C12orf42: variants seen among roughly 807,000 people sequenced by gnomAD.
The protein encoded by C12orf42 is chromosome 12 open reading frame 42.
In C12orf42, 25 loss-of-function variants were observed where a neutral mutation model predicts 21.6. That is an observed-to-expected ratio of 1.16 (90% CI 0.84 to 1.62). The LOEUF is 1.62. Ranked by LOEUF, C12orf42 falls within the 40% of genes most tolerant of loss-of-function variation. The pLI is 0.00. For synonymous variants in C12orf42, 174 were observed against 175.0 expected (o/e 0.99, Z 0.05); for missense variants, 483 against 459.3 (o/e 1.05, Z -0.47).
chr12:103,485,436 G>A (rs1954767525), intron 1 of C12orf42, among the ~76,000 whole-genome samples: 1 of 152,192 alleles, frequency 6.6e-6, no homozygotes. Flanking sequence ...TTTGGCTTAG[G>A]ATTGTCTTGG....
intron 2 of C12orf42, among the ~76,000 whole-genome samples, chr12:103,434,620 G>T (rs370667770): frequency 3.2e-4 from 48 of 152,096 alleles, no homozygotes; most frequent in African/African-American, 1.1e-3. Context: ...TTCCCTTTCC[G>T]AGTCAAAGAA....
the C12orf42 span, among the ~76,000 whole-genome samples, chr12:103,133,381 G>A: frequency 6.6e-6 from 1 of 152,064 alleles, no homozygotes; most frequent in East Asian, 1.9e-4. Context: ...TAAGCAAGCT[G>A]CCAGGAGCCC....
At chr12:103,449,041 G>C (rs1020640948) in intron 2 of C12orf42, among the ~76,000 whole-genome samples, 1 of 151,638 alleles carries the variant, frequency 6.6e-6, no homozygotes, top group African/African-American at 2.4e-5. Flanking sequence ...TACAGAAGCA[G>C]CCCAAATGCC....
chr12:103,354,868 A>G (rs1387980687), intron 4 of C12orf42, among the ~76,000 whole-genome samples: 1 of 152,034 alleles, frequency 6.6e-6, no homozygotes, highest in Non-Finnish European at 1.5e-5. Context: ...TATGGTTAAC[A>G]ATATTGTATT....
At chr12:103,472,739 G>C (rs1205029473) in intron 2 of C12orf42, among the ~76,000 whole-genome samples, 1 of 152,166 alleles carries the variant, frequency 6.6e-6, no homozygotes, top group African/African-American at 2.4e-5. Context: ...AGCAATTATA[G>C]ACAAACCACA....
chr12:103,184,115 C>T, the C12orf42 span, among the ~76,000 whole-genome samples: 1 of 152,188 alleles, frequency 6.6e-6, no homozygotes, highest in Non-Finnish European at 1.5e-5. Context: ...TATTTTCTGT[C>T]TATTAATTCT....
chr12:103,375,192 T>C (rs547005733), intron 3 of C12orf42, among the ~76,000 whole-genome samples: 1 of 152,162 alleles, frequency 6.6e-6, no homozygotes, highest in Non-Finnish European at 1.5e-5. Flanking sequence ...TTATAGGAAA[T>C]GTCAGGAGAA....
intron 1 of C12orf42, among the ~76,000 whole-genome samples, chr12:103,485,101 T>C (rs982745688): frequency 9.2e-5 from 14 of 152,122 alleles, no homozygotes; most frequent in African/African-American, 3.1e-4. Flanking sequence ...AATCTCCTGA[T>C]CTCGTGATCT....
intron 10 of C12orf42, among the ~76,000 whole-genome samples, chr12:103,249,981 A>G (rs2034212079): frequency 6.6e-6 from 1 of 152,094 alleles, no homozygotes; most frequent in Non-Finnish European, 1.5e-5. Flanking sequence ...TCCCTGTAGA[A>G]CATCAGTTTC....
chr12:103,151,539 CA>C, the C12orf42 span, among the ~76,000 whole-genome samples: 5 of 152,042 alleles, frequency 3.3e-5, no homozygotes, highest in African/African-American at 1.2e-4. Context: ...GGTAAAATGT[CA>C]GCAATCTCAC....
the C12orf42 span, among the ~76,000 whole-genome samples, chr12:103,514,200 G>A: frequency 6.6e-6 from 1 of 152,190 alleles, no homozygotes; most frequent in Non-Finnish European, 1.5e-5. Flanking sequence ...CACAAGAACA[G>A]GATGGGGGAA....
chr12:103,098,344 C>T, the C12orf42 span, among the ~76,000 whole-genome samples: 1 of 151,984 alleles, frequency 6.6e-6, no homozygotes, highest in Admixed American at 6.6e-5. Context: ...TAAGACTTAC[C>T]TCATAAAATC....
At chr12:103,052,828 T>C in the C12orf42 span, among the ~76,000 whole-genome samples, 1 of 152,050 alleles carries the variant, frequency 6.6e-6, no homozygotes, top group Non-Finnish European at 1.5e-5. Context: ...TGATTTGTTG[T>C]GTGTGGTTTG....
At chr12:103,061,166 G>T in the C12orf42 span, among the ~76,000 whole-genome samples, 1 of 152,082 alleles carries the variant, frequency 6.6e-6, no homozygotes, top group African/African-American at 2.4e-5. Context: ...GGTGGAGGTA[G>T]GAGTGTCTCA....
At chr12:103,554,272 G>A in the C12orf42 span, among the ~76,000 whole-genome samples, 1 of 152,116 alleles carries the variant, frequency 6.6e-6, no homozygotes, top group East Asian at 1.9e-4. Context: ...ATAAATATAA[G>A]AGTAGCCTGG....
the C12orf42 span, among the ~76,000 whole-genome samples, chr12:103,212,655 G>A: frequency 2.6e-5 from 4 of 152,042 alleles, no homozygotes; most frequent in African/African-American, 9.7e-5. Flanking sequence ...CATTGTCTAT[G>A]TTCATTAAAT....
chr12:103,206,406 C>T, the C12orf42 span, among the ~76,000 whole-genome samples: 2 of 152,090 alleles, frequency 1.3e-5, no homozygotes, highest in Non-Finnish European at 2.9e-5. Flanking sequence ...GGAGCTATTA[C>T]TGGGAAGGGA....
the C12orf42 span, among the ~76,000 whole-genome samples, chr12:103,555,333 G>T: frequency 6.6e-6 from 1 of 152,020 alleles, no homozygotes; most frequent in Non-Finnish European, 1.5e-5. Flanking sequence ...TTGTGCAGGG[G>T]AACTCCTCTT....
chr12:103,496,583 C>T (rs1203061160), upstream of C12orf42, among the ~76,000 whole-genome samples: 10 of 152,290 alleles, frequency 6.6e-5, no homozygotes, highest in Admixed American at 3.3e-4. Flanking sequence ...GACTGGTTAA[C>T]ACCCCCTAAT....
Sources: allele counts gnomAD v4.1 joint callset (sites outside exome capture counted in the v4.1 genomes callset), GRCh38; gene constraint gnomAD v4.1.1; transcripts MANE v1.5; gene names NCBI Gene and HGNC (gene_info 2026-07-23, HGNC 2026-07-21).